DGKG: variants seen among roughly 807,000 people sequenced by gnomAD.
DGKG encodes the protein diacylglycerol kinase gamma.
A neutral mutation model predicts 105.3 loss-of-function variants in DGKG; 78 were observed. That is an observed-to-expected ratio of 0.74 (90% CI 0.62 to 0.89). The LOEUF is 0.89. Ranked by LOEUF, DGKG falls within the 40% of genes least tolerant of loss-of-function variation. The pLI is 0.00. For synonymous variants in DGKG, 346 were observed against 367.1 expected, an observed-to-expected ratio of 0.94 and a Z score of 0.66; for missense variants, 958 against 1,020.1, an observed-to-expected ratio of 0.94 and a Z score of 0.83.
chr3:186,324,994 G>A (rs187857033), intron 1 of DGKG, among the ~76,000 whole-genome samples: 1 of 152,192 alleles, frequency 6.6e-6, no homozygotes, highest in African/African-American at 2.4e-5. Flanking sequence ...TAAAGAAAAT[G>A]TAATGCACAT....
rs1211122494 is a variant in DGKG at position 186,226,367 on chromosome 3, G to T, written c.1827-14482C>A. On this transcript the variant is annotated intron_variant, in intron 20 of 24. Coordinates refer to ENST00000265022, the MANE Select transcript of DGKG (RefSeq NM_001346.3). This position sits in a 1 kb window ranked among gnomAD's most constrained non-coding sequence, Gnocchi z 4.2. ...GGGCCAGAGGGGGAAATGTGTACAA[G>T]GCATGAACCAGAACGTCAGCTCAAA... Among the ~76,000 whole-genome samples, 5 of 152,132 alleles carry T rather than the reference G, an allele frequency of 3.3e-5. No homozygotes were observed. Among genetic ancestry groups the T allele is most frequent in the Non-Finnish European group, 7.3e-5 (5 of 68,034 alleles).
At chr3:186,280,865 G>T in intron 7 of DGKG, 121 bp from the exon 8 acceptor site, 1 of 737,372 alleles carries the variant, frequency 1.4e-6, no homozygotes, top group South Asian at 1.7e-5. Context: ...GAAGAAGCTG[G>T]TGCAGTAACT....
chr3:186,189,303 A>G (rs900160509), intron 21 of DGKG, among the ~76,000 whole-genome samples: 2 of 152,220 alleles, frequency 1.3e-5, no homozygotes, highest in African/African-American at 4.8e-5. Flanking sequence ...CACCAGGTAC[A>G]AAAAGCCAGA....
At chr3:186,356,708 A>G (rs546067521) in intron 1 of DGKG, among the ~76,000 whole-genome samples, 1 of 152,218 alleles carries the variant, frequency 6.6e-6, no homozygotes, top group Non-Finnish European at 1.5e-5. Flanking sequence ...TAGTGAGGGC[A>G]CTGGAGCAAA....
chr3:186,176,070 C>T (rs989377568), intron 22 of DGKG, among the ~76,000 whole-genome samples: 9 of 152,160 alleles, frequency 5.9e-5, no homozygotes, highest in Non-Finnish European at 1.2e-4. Context: ...ACAGGGTACC[C>T]GAAGGCAGGG....
intron 1 of DGKG, among the ~76,000 whole-genome samples, chr3:186,326,427 TAC>T (rs1257661404): frequency 6.7e-6 from 1 of 148,250 alleles, no homozygotes; most frequent in African/African-American, 2.5e-5. Context: ...TGTACACAGA[TAC>T]ACACACACAC....
intron 6 of DGKG, 114 bp downstream of exon 6, chr3:186,288,596 G>A (rs752389612): frequency 4.5e-5 from 50 of 1,116,624 alleles, no homozygotes; most frequent in Admixed American, 6.8e-5. Context: ...CCAAAGAGGC[G>A]GGACGCATAT....
chr3:186,187,869 C>A (rs145551717), intron 22 of DGKG, among the ~76,000 whole-genome samples: 5 of 152,258 alleles, frequency 3.3e-5, no homozygotes, highest in Non-Finnish European at 7.4e-5. Flanking sequence ...GGGTCACATG[C>A]CACTGACAGC....
At position 186,147,384 on chromosome 3, in the gene DGKG, A is replaced by G. The variant is rs1404576126; in HGVS notation, c.*2706T>C. The G allele has an allele frequency of 6.1e-6, 6 of 979,278 alleles. No individual in the cohort carries two copies. The highest frequency in any genetic ancestry group is 7.3e-6 in the Non-Finnish European group (6 of 824,002). 60.7% of individuals were successfully genotyped at this position (979,278 alleles called of 1,614,324 possible). On this transcript the variant is annotated 3_prime_UTR_variant, in exon 25 of 25. Coordinates refer to ENST00000265022, the MANE Select transcript of DGKG (RefSeq NM_001346.3). ...AGCCTTGTTCTCCTCATTGAGATCG[A>G]GATAATAATACCTTCTCTGCTAACC...
At chr3:186,314,191 A>ATG (rs1724699390) in intron 2 of DGKG, among the ~76,000 whole-genome samples, 1 of 116,694 alleles carries the variant, frequency 8.6e-6, no homozygotes, top group African/African-American at 2.7e-5. Flanking sequence ...ACACACACAC[A>ATG]CACACACACA....
intron 20 of DGKG, among the ~76,000 whole-genome samples, chr3:186,217,484 A>G (rs994700046): frequency 6.6e-6 from 1 of 152,224 alleles, no homozygotes; most frequent in Non-Finnish European, 1.5e-5. Context: ...CAGTGACACC[A>G]TGGCTCAACT....
At chr3:186,256,786 T>C (rs961230746) in intron 17 of DGKG, among the ~76,000 whole-genome samples, 1 of 152,250 alleles carries the variant, frequency 6.6e-6, no homozygotes, top group Non-Finnish European at 1.5e-5. Context: ...TCCTTCTGCC[T>C]GGACTGCCCT....
intron 2 of DGKG, among the ~76,000 whole-genome samples, chr3:186,309,163 T>A (rs1369908173): frequency 6.6e-6 from 1 of 151,894 alleles, no homozygotes; most frequent in African/African-American, 2.4e-5. Context: ...GAAAGTGGGG[T>A]AGGGGTGGGA....
At chr3:186,213,095 C>T (rs1719111915) in intron 20 of DGKG, among the ~76,000 whole-genome samples, 1 of 152,198 alleles carries the variant, frequency 6.6e-6, no homozygotes, top group Admixed American at 6.5e-5. Context: ...TGTATGAAGA[C>T]TTCTGAGATC....
At chr3:186,265,972 C>T (rs7619196) in intron 13 of DGKG, among the ~76,000 whole-genome samples, 2 of 151,902 alleles carry the variant, frequency 1.3e-5, no homozygotes, top group Admixed American at 6.6e-5. Context: ...GCCTGGCCGT[C>T]GACTTGGCTT....
At chr3:186,316,594 A>ATG (rs1396636074) in intron 2 of DGKG, among the ~76,000 whole-genome samples, 1 of 152,270 alleles carries the variant, frequency 6.6e-6, no homozygotes, top group Admixed American at 6.5e-5. Context: ...TGTCAGCTAT[A>ATG]TGTGTGTGTG....
chr3:186,306,495 G>C (rs1275958523), intron 3 of DGKG, among the ~76,000 whole-genome samples: 3 of 152,142 alleles, frequency 2.0e-5, no homozygotes, highest in Non-Finnish European at 2.9e-5. Context: ...GTGCACACGT[G>C]GGGGAGTTGG....
chr3:186,297,980 G>A (rs996358012), intron 4 of DGKG, 84 bp downstream of exon 4: 39 of 1,467,892 alleles, frequency 2.7e-5, no homozygotes, highest in South Asian at 1.7e-4. Context: ...ATGTTCAGGG[G>A]ACCCTCTAGG....
At chr3:186,250,710 C>T (rs13100075) in intron 19 of DGKG, among the ~76,000 whole-genome samples, 98,946 of 151,540 alleles carry the variant, frequency 0.65, 37,957 homozygotes, top group East Asian at 0.92. Context: ...CCACCACGCT[C>T]GGCTAATTTT....
Sources: allele counts gnomAD v4.1 joint callset (sites outside exome capture counted in the v4.1 genomes callset), GRCh38; gene constraint gnomAD v4.1.1; non-coding constraint Gnocchi (gnomAD v3.1); transcripts MANE v1.5; gene names NCBI Gene and HGNC (gene_info 2026-07-23, HGNC 2026-07-21).